Variants in NEBL observed in about 807,000 individuals in gnomAD.
NEBL encodes LIM and SH3 protein 2.
Under a neutral mutation model 140.2 loss-of-function variants are expected in NEBL, and 122 were observed. The ratio of observed to expected loss-of-function variants is 0.87; its 90% CI spans 0.75 to 1.01. NEBL has a LOEUF of 1.01. Ranked by LOEUF, NEBL falls within the 50% of genes least tolerant of loss-of-function variation. The pLI is 0.00. For synonymous variants in NEBL, 436 were observed against 398.9 expected (o/e 1.09, Z -1.11); for missense variants, 1,365 against 1,231.3 (o/e 1.11, Z -1.62).
Position 21,256,283 on chromosome 10 carries a change from G to C in NEBL, n.183-4455C>G, listed in dbSNP as rs956711173. On this transcript the variant is annotated intron_variant and non_coding_transcript_variant, in intron 1 of 8. Coordinates refer to the NEBL transcript ENST00000675702. ...GGGTGTCACCTTGTTGGCCAGGCTG[G>C]TCTCAAACTCCTGACCTCAAGTAGT... is the stretch of plus-strand genomic sequence containing the variant. Among the ~76,000 whole-genome samples the C allele has an allele frequency of 2.0e-5, 3 of 152,102 alleles. No individual in the cohort carries two copies. The South Asian group carries it at 6.2e-4, about 32-fold the overall frequency.
At chr10:20,983,154 G>A (rs977645583) in intron 3 of NEBL, among the ~76,000 whole-genome samples, 1 of 152,170 alleles carries the variant, frequency 6.6e-6, no homozygotes, top group Non-Finnish European at 1.5e-5. Context: ...ATCTGGAGAA[G>A]CATGTCTCTT....
chr10:20,976,744 G>T (rs766796817), intron 3 of NEBL, among the ~76,000 whole-genome samples: 1 of 151,866 alleles, frequency 6.6e-6, no homozygotes, highest in Non-Finnish European at 1.5e-5. Context: ...GCAAAGATGG[G>T]AACAATAGAC....
chr10:20,934,544 G>A (rs375138119), intron 4 of NEBL, among the ~76,000 whole-genome samples: 16 of 152,048 alleles, frequency 1.1e-4, no homozygotes, highest in African/African-American at 2.2e-4. Flanking sequence ...CCTGAAACCC[G>A]TGCTATCCAC....
chr10:21,149,793 C>T (rs1425918126), intron 2 of NEBL, among the ~76,000 whole-genome samples: 1 of 152,156 alleles, frequency 6.6e-6, no homozygotes, highest in East Asian at 1.9e-4. Flanking sequence ...TAGGACTGAG[C>T]CCTCAACCTG....
intron 3 of NEBL, among the ~76,000 whole-genome samples, chr10:21,206,998 G>C (rs1841837979): frequency 8.5e-6 from 1 of 117,724 alleles, no homozygotes; most frequent in Non-Finnish European, 1.6e-5. Flanking sequence ...TTTTTAGACA[G>C]AGTCTTGCTC....
chr10:20,850,989 C>T (rs141295357), intron 10 of NEBL, among the ~76,000 whole-genome samples: 10 of 152,300 alleles, frequency 6.6e-5, no homozygotes, highest in South Asian at 4.1e-4. Flanking sequence ...TTCATAGACA[C>T]TGAGTAAAAC....
At position 21,083,903 on chromosome 10, in the gene NEBL, T is replaced by C. The variant is rs546349469; in HGVS notation, c.165-63702A>G. Among the ~76,000 whole-genome samples the C allele has an allele frequency of 1.0e-3, 152 of 152,344 alleles. 1 individual carries two copies. The Middle Eastern group carries it at 0.01, about 10-fold the overall frequency. ...CAGGTCTGCCTATGACTGGAACAGA[T>C]ACTCTGGCATCCTTCCAGAGGCAGC... On this transcript the variant is annotated intron_variant, in intron 2 of 6. Coordinates refer to the NEBL transcript ENST00000417816.
In NEBL at chr10:21,063,267, T is replaced by G. The variant is rs185069590; in HGVS notation, c.165-43066A>C. On this transcript the variant is annotated intron_variant, in intron 2 of 6. Transcript: ENST00000417816. ...CCTCCCTAGAGGCCCACGTGCTCAC[T>G]TGTCATATTCATGGCAATGCTCAGA... 8.2e-4 allele frequency among the ~76,000 whole-genome samples: 125 copies of G among 152,300 alleles called. 1 individual carries two copies. Among genetic ancestry groups the G allele is most frequent in the Middle Eastern group, 3.4e-3 (1 of 294 alleles).
intron 27 of NEBL, 73 bp from the exon 28 acceptor site, chr10:20,785,996 C>G: frequency 7.2e-7 from 1 of 1,385,412 alleles, no homozygotes; most frequent in Non-Finnish European, 1.0e-6. Context: ...CACAACACAC[C>G]GACCCACACA....
chr10:21,263,301 A>G (rs1274084201), intron 1 of NEBL, among the ~76,000 whole-genome samples: 1 of 152,206 alleles, frequency 6.6e-6, no homozygotes. Flanking sequence ...TTTATTAAGA[A>G]GAGCCAGCAA....
At chr10:21,252,769 G>C in intron 1 of NEBL, among the ~76,000 whole-genome samples, 1 of 151,864 alleles carries the variant, frequency 6.6e-6, no homozygotes, top group East Asian at 1.9e-4. Context: ...CAGCCTGACC[G>C]ACATAGAGAA....
At chr10:21,138,298 G>A (rs957859958) in intron 2 of NEBL, among the ~76,000 whole-genome samples, 32 of 152,310 alleles carry the variant, frequency 2.1e-4, no homozygotes, top group South Asian at 4.1e-4. Flanking sequence ...TGGCCTCTGA[G>A]GTGGAGCGGA....
At chr10:20,855,935 C>T (rs1416983374) in intron 9 of NEBL, among the ~76,000 whole-genome samples, 1 of 152,186 alleles carries the variant, frequency 6.6e-6, no homozygotes. Flanking sequence ...ATCAACACAA[C>T]TCCAATTTTT....
chr10:21,232,718 C>A (rs1473969158), intron 3 of NEBL, among the ~76,000 whole-genome samples: 1 of 152,184 alleles, frequency 6.6e-6, no homozygotes, highest in East Asian at 1.9e-4. Context: ...AGACAGGTAC[C>A]AGTCAGTGGC....
upstream of NEBL, among the ~76,000 whole-genome samples, chr10:20,902,170 G>A (rs150151992): frequency 2.0e-5 from 3 of 152,218 alleles, no homozygotes; most frequent in Admixed American, 2.0e-4. Context: ...TTGGGAGACC[G>A]AGACAGGCGG....
chr10:21,095,557 C>A (rs991423248), intron 2 of NEBL, among the ~76,000 whole-genome samples: 1 of 152,166 alleles, frequency 6.6e-6, no homozygotes, highest in Non-Finnish European at 1.5e-5. Flanking sequence ...GATTTTGAAG[C>A]TAATCGGATT....
intron 4 of NEBL, among the ~76,000 whole-genome samples, chr10:20,884,304 C>T (rs952567548): frequency 2.6e-5 from 4 of 152,032 alleles, no homozygotes; most frequent in Non-Finnish European, 4.4e-5. Context: ...CTTCAACTCC[C>T]GGGCTCAAGA....
chr10:21,259,614 C>T (rs1156677080), intron 1 of NEBL, among the ~76,000 whole-genome samples: 3 of 152,314 alleles, frequency 2.0e-5, no homozygotes, highest in South Asian at 4.1e-4. Flanking sequence ...AGCACCTCAA[C>T]TTTCCTTTGA....
At position 20,880,845 on chromosome 10, in the gene NEBL, C is replaced by G. The variant is rs1033571546; in HGVS notation, c.429G>C (p.Lys143Asn). 3.1e-6 allele frequency: 5 copies of G among 1,613,982 alleles called. No individual in the cohort carries two copies. The African/African-American group carries it at 6.7e-5, about 22-fold the overall frequency. ...TGGCATGTTTAACCTCAGGGGGCTC[C>G]TTCATGTGGGCATAATCTGAGAATC... ...AKGFSDYAHM[K>N]EPPEVKHAME... The change falls in exon 5 of 28, where the codon AAG (lysine) becomes AAC (asparagine). Residue 143 changes from lysine to asparagine, a missense_variant. Lys to Asn is a moderately conservative substitution (Grantham distance 94). Around this residue, in one of 2 missense-constraint regions of NEBL, gnomAD observed 1,323 missense variants for 1,154.8 expected, o/e 1.15. Coordinates refer to ENST00000377122, the MANE Select transcript of NEBL (RefSeq NM_006393.3).
Sources: gnomAD v4.1 joint callset for allele counts (sites outside exome capture counted in the v4.1 genomes callset) on GRCh38, gnomAD v4.1.1 for gene constraint, gnomAD v4.1.1 regional missense constraint, MANE v1.5 for transcripts, NCBI Gene and HGNC (gene_info 2026-07-23, HGNC 2026-07-21) for gene names.